The following SASH1 variants were observed in gnomAD, a reference collection of about 807,000 sequenced individuals.
The protein encoded by SASH1 is SAM and SH3 domain-containing protein 1.
Under a neutral mutation model 125.2 loss-of-function variants are expected in SASH1, and 44 were observed. That is an observed-to-expected ratio of 0.35 (90% CI 0.28 to 0.45). The LOEUF is 0.45. SASH1 is among the 20% of genes least tolerant of loss of function. The probability of loss-of-function intolerance (pLI) is 1.00; values close to 1 mark genes in which losing one functional copy is unlikely to be tolerated. For missense variants in SASH1, 1,426 were observed against 1,614.5 expected (o/e 0.88, Z 2.00); for synonymous variants, 639 against 649.1 (o/e 0.98, Z 0.24).
Position 148,303,043 on chromosome 6 carries a change from C to T in SASH1, n.74+30666C>T, listed in dbSNP as rs557276188. ...TTGCTCAGGCTGGAGTGCAATGGCG[C>T]GATCTCAGCTCACTGCAAACTCTGC... On this transcript the variant is annotated intron_variant and non_coding_transcript_variant, in intron 1 of 3. Transcript: ENST00000367469. Among the ~76,000 whole-genome samples the T allele has an allele frequency of 7.9e-5, 12 of 152,084 alleles. No individual in the cohort carries two copies. In the East Asian group the frequency reaches 1.9e-3, roughly 25 times the overall value.
intron 2 of SASH1, among the ~76,000 whole-genome samples, chr6:148,400,792 C>G (rs1784139031): frequency 6.6e-6 from 1 of 152,076 alleles, no homozygotes; most frequent in Non-Finnish European, 1.5e-5. Flanking sequence ...TGTGGATCAC[C>G]ATGTGTATCA....
chr6:148,390,293 T>G, intron 2 of SASH1, 31 bp downstream of exon 2: 1 of 1,600,694 alleles, frequency 6.2e-7, no homozygotes, highest in Non-Finnish European at 8.5e-7. Flanking sequence ...TATGCTTCTG[T>G]GAGCAGAGCT....
chr6:148,249,247 G>T, the SASH1 span, among the ~76,000 whole-genome samples: 3 of 152,346 alleles, frequency 2.0e-5, no homozygotes, highest in Non-Finnish European at 4.4e-5. Flanking sequence ...ATGAATGACA[G>T]CATAATTTCC....
chr6:148,364,795 A>G (rs1562353894), intron 1 of SASH1, among the ~76,000 whole-genome samples: 1 of 152,162 alleles, frequency 6.6e-6, no homozygotes, highest in Non-Finnish European at 1.5e-5. Flanking sequence ...AGATACCAAT[A>G]TTAAAAAATT....
At chr6:148,435,498 A>G (rs951268102) in intron 2 of SASH1, among the ~76,000 whole-genome samples, 16 of 152,172 alleles carry the variant, frequency 1.1e-4, no homozygotes, top group African/African-American at 3.6e-4. Context: ...TCCCTTTGCA[A>G]CATTTAGATG....
intron 1 of SASH1, among the ~76,000 whole-genome samples, chr6:148,293,052 T>C (rs1483249309): frequency 2.0e-5 from 3 of 148,464 alleles, no homozygotes; most frequent in Non-Finnish European, 4.5e-5. Flanking sequence ...TGATACTCCA[T>C]CTCAAAAAAA....
intron 8 of SASH1, among the ~76,000 whole-genome samples, chr6:148,507,358 T>TTGTTGTTGTTG (rs1779856789): frequency 6.6e-6 from 1 of 150,394 alleles, no homozygotes; most frequent in Non-Finnish European, 1.5e-5. Flanking sequence ...CCAATTCCCT[T>TTGTTGTTGTTG]TTGTTGTTGT....
chr6:148,382,604 CCTG>C (rs1452217603), intron 1 of SASH1, among the ~76,000 whole-genome samples: 2 of 151,864 alleles, frequency 1.3e-5, no homozygotes, highest in Non-Finnish European at 2.9e-5. Context: ...AATTTTTTTT[CCTG>C]CTATTTTTTT....
intron 4 of SASH1, among the ~76,000 whole-genome samples, chr6:148,465,441 G>A (rs1777787392): frequency 6.6e-6 from 1 of 151,902 alleles, no homozygotes; most frequent in Admixed American, 6.6e-5. Context: ...AGTCCCAGGA[G>A]GCTGAGGCAG....
chr6:148,321,283 T>C (rs9403936), intron 1 of SASH1, among the ~76,000 whole-genome samples: 121,955 of 151,864 alleles, frequency 0.8, 49,133 homozygotes, highest in East Asian at 0.9. Flanking sequence ...CCCACCTACT[T>C]GGGAAGCTGA....
intron 1 of SASH1, among the ~76,000 whole-genome samples, chr6:148,324,449 C>A (rs995423724): frequency 6.6e-6 from 1 of 152,116 alleles, no homozygotes; most frequent in African/African-American, 2.4e-5. Flanking sequence ...GTTGCACAAG[C>A]CAGAAACCTG....
rs936427192 is a variant in SASH1 at position 148,548,665 on chromosome 6, A to G, written c.*107A>G. ...TGGACGTGCAGACCAGATCCAGAAGAAAGGCCTGGCGTGTGGCCAAACAGC... is the reference window on the plus strand; with the variant it reads ...TGGACGTGCAGACCAGATCCAGAAGGAAGGCCTGGCGTGTGGCCAAACAGC... On this transcript the variant is annotated 3_prime_UTR_variant, in exon 20 of 20. Coordinates refer to ENST00000367467, the MANE Select transcript of SASH1 (RefSeq NM_015278.5). 5.9e-6 allele frequency: 8 copies of G among 1,360,806 alleles called. No individual in the cohort carries two copies. In the African/African-American group the frequency reaches 1.2e-4, roughly 20 times the overall value. The allele number at this position is 1,360,806 out of a possible 1,614,324, so 84.3% of individuals were successfully genotyped here.
At chr6:148,501,606 C>A (rs1779562819) in intron 8 of SASH1, among the ~76,000 whole-genome samples, 1 of 152,164 alleles carries the variant, frequency 6.6e-6, no homozygotes, top group Non-Finnish European at 1.5e-5. Flanking sequence ...TTTCCTAACT[C>A]ACCTATTTAA....
intron 7 of SASH1, among the ~76,000 whole-genome samples, chr6:148,485,107 T>G (rs1242544128): frequency 1.3e-5 from 2 of 152,176 alleles, no homozygotes; most frequent in African/African-American, 4.8e-5. Flanking sequence ...AGTTAGAAAT[T>G]TGTACCTGTT....
intron 1 of SASH1, among the ~76,000 whole-genome samples, chr6:148,387,003 C>A (rs1291843706): frequency 6.6e-6 from 1 of 151,660 alleles, no homozygotes; most frequent in Non-Finnish European, 1.5e-5. Flanking sequence ...CTGGGAACTA[C>A]CTGGGTGCTT....
At chr6:148,431,673 G>A (rs1206299560) in intron 2 of SASH1, among the ~76,000 whole-genome samples, 2 of 151,678 alleles carry the variant, frequency 1.3e-5, no homozygotes, top group African/African-American at 2.4e-5. Flanking sequence ...GTTGACTGCT[G>A]GAGCTCATCT....
chr6:148,383,584 T>C (rs528171534), intron 1 of SASH1, among the ~76,000 whole-genome samples: 1 of 152,304 alleles, frequency 6.6e-6, no homozygotes, highest in East Asian at 1.9e-4. Context: ...ACAATCTGCA[T>C]GCAACAGATC....
At chr6:148,449,167 T>G (rs192160660) in intron 4 of SASH1, among the ~76,000 whole-genome samples, 151 of 149,520 alleles carry the variant, frequency 1.0e-3, no homozygotes, top group African/African-American at 3.4e-3. Context: ...CCTTCTGGGT[T>G]CAAGTGATTC....
intron 1 of SASH1, among the ~76,000 whole-genome samples, chr6:148,301,623 G>A (rs1323269095): frequency 6.6e-6 from 1 of 151,280 alleles, no homozygotes; most frequent in Non-Finnish European, 1.5e-5. Context: ...CTGTGGCCCA[G>A]GCTGGAGTGC....
Sources: allele counts gnomAD v4.1 joint callset (sites outside exome capture counted in the v4.1 genomes callset), GRCh38; gene constraint gnomAD v4.1.1; transcripts MANE v1.5; gene names NCBI Gene and HGNC (gene_info 2026-07-23, HGNC 2026-07-21).